Variants in CTH observed in about 807,000 individuals in gnomAD.
CTH encodes cystathionase (cystathionine gamma-lyase).
CTH carries 41 observed loss-of-function variants against 50.6 expected under a neutral mutation model. The ratio of observed to expected loss-of-function variants is 0.81; its 90% CI spans 0.63 to 1.05. The LOEUF is 1.05. Ranked by LOEUF, CTH falls within the 50% of genes least tolerant of loss-of-function variation. The probability of loss-of-function intolerance (pLI) is 0.00; values close to 1 mark genes in which losing one functional copy is unlikely to be tolerated. For synonymous variants in CTH, 156 were observed against 168.9 expected (o/e 0.92, Z 0.59); for missense variants, 470 against 492.6 (o/e 0.95, Z 0.43).
chr1:70,436,738 T>C (rs1684607255), intron 10 of CTH, among the ~76,000 whole-genome samples: 1 of 152,146 alleles, frequency 6.6e-6, no homozygotes. Flanking sequence ...TGTTAGTCTT[T>C]CCGGAAGATG....
intron 3 of CTH, 87 bp downstream of exon 3, chr1:70,418,119 A>G: frequency 6.8e-7 from 1 of 1,464,322 alleles, no homozygotes; most frequent in Non-Finnish European, 9.5e-7. Context: ...CAATGTTGCC[A>G]GTATTTTTGA....
chr1:70,429,794 C>T lies in CTH; in HGVS notation c.589C>T (p.Arg197Cys), dbSNP rs551720451. 3.2e-5 allele frequency: 51 copies of T among 1,610,390 alleles called. No individual in the cohort carries two copies. The highest frequency in any genetic ancestry group is 9.9e-5 in the South Asian group (9 of 90,874). The change falls in exon 6 of 12, where the codon CGC becomes TGC. Residue 197 changes from arginine to cysteine, a missense_variant and splice_region_variant. Arg to Cys is a radical substitution (Grantham distance 180, BLOSUM62 -3). Coordinates refer to ENST00000370938, the MANE Select transcript of CTH (RefSeq NM_001902.6). Reference protein sequence around the residue: ...DNTFMSPYFQRPLALGADISM... With the variant: ...DNTFMSPYFQCPLALGADISM... ...TAAAGTAAAAAACTTGTTCTTTCAG[C>T]GCCCTTTGGCTCTGGGAGCTGATAT...
intron 4 of CTH, 67 bp from the exon 5 acceptor site, chr1:70,424,217 CA>C: frequency 6.2e-7 from 1 of 1,610,546 alleles, no homozygotes; most frequent in East Asian, 2.2e-5. Context: ...CAGATTGTTA[CA>C]ATATATGAGA....
chr1:70,437,503 G>A (rs1279751375), intron 10 of CTH, among the ~76,000 whole-genome samples: 2 of 152,078 alleles, frequency 1.3e-5, no homozygotes, highest in African/African-American at 4.8e-5. Context: ...TTTCAGATAA[G>A]GAAATAGGCA....
intron 8 of CTH, among the ~76,000 whole-genome samples, chr1:70,432,826 G>A (rs2101754782): frequency 6.6e-6 from 1 of 152,052 alleles, no homozygotes; most frequent in South Asian, 2.1e-4. Context: ...TGGGATTACA[G>A]GTGCCCGCCA....
intron 10 of CTH, among the ~76,000 whole-genome samples, chr1:70,437,642 C>A (rs372930869): frequency 6.6e-6 from 1 of 152,138 alleles, no homozygotes; most frequent in Non-Finnish European, 1.5e-5. Flanking sequence ...TAAGGAATTA[C>A]GAGTCTCCCA....
intron 3 of CTH, among the ~76,000 whole-genome samples, chr1:70,418,798 G>C (rs2101733220): frequency 6.6e-6 from 1 of 152,204 alleles, no homozygotes; most frequent in African/African-American, 2.4e-5. Context: ...TTTGTTGAGA[G>C]ATATGGGCCT....
At position 70,426,959 on chromosome 1, in the gene CTH, G is replaced by A. The variant is rs529999351; in HGVS notation, c.588+2543G>A. On this transcript the variant is annotated intron_variant, in intron 5 of 11. Transcript: ENST00000370938. ...TTCTCCTATTACTGTCACTAACATA[G>A]GTCTAGTTTTTCTACCTTTTTGAAG... 2.0e-4 allele frequency among the ~76,000 whole-genome samples: 31 copies of A among 152,194 alleles called. 1 individual carries two copies. In the East Asian group the frequency reaches 5.8e-3, roughly 28 times the overall value.
chr1:70,425,579 G>A (rs1035568979), intron 5 of CTH, among the ~76,000 whole-genome samples: 1 of 152,128 alleles, frequency 6.6e-6, no homozygotes, highest in Non-Finnish European at 1.5e-5. Context: ...GGTTTAATTG[G>A]CTCACAGTTC....
intron 1 of CTH, among the ~76,000 whole-genome samples, chr1:70,413,317 G>A (rs1400070133): frequency 3.3e-5 from 5 of 150,304 alleles, no homozygotes. Context: ...AGGCTGGAGT[G>A]CAGTGGTGCG....
chr1:70,417,457 G>A lies in CTH; in HGVS notation c.251-480G>A, dbSNP rs529928833. 2.5e-4 allele frequency among the ~76,000 whole-genome samples: 38 copies of A among 151,830 alleles called. No homozygotes were observed. The South Asian group carries it at 7.9e-3, about 32-fold the overall frequency. On this transcript the variant is annotated intron_variant, in intron 2 of 11. Coordinates refer to ENST00000370938, the MANE Select transcript of CTH (RefSeq NM_001902.6). ...GTGCCACCATGCCTGGCTAATTTTTGTATTTTTAGTAAACACAGAGTTTCA... is the reference window on the plus strand; with the variant it reads ...GTGCCACCATGCCTGGCTAATTTTTATATTTTTAGTAAACACAGAGTTTCA...
chr1:70,429,942 A>T, intron 6 of CTH, 91 bp downstream of exon 6: 1 of 949,936 alleles, frequency 1.1e-6, no homozygotes, highest in Non-Finnish European at 1.7e-6. Flanking sequence ...ATTATTTTGT[A>T]GATTATTTCC....
intron 7 of CTH, among the ~76,000 whole-genome samples, chr1:70,431,359 G>A (rs1684470853): frequency 6.6e-6 from 1 of 151,624 alleles, no homozygotes; most frequent in African/African-American, 2.4e-5. Context: ...TTGAAATGAG[G>A]GCTTTCATAT....
chr1:70,418,087 G>T, intron 3 of CTH, 55 bp downstream of exon 3: 1 of 1,581,260 alleles, frequency 6.3e-7, no homozygotes, highest in Non-Finnish European at 8.7e-7. Context: ...AGATAATAAA[G>T]TGAGCCCTGA....
rs1409708706 is a variant in CTH, at chr1:70,423,878, T to A, written c.457-407T>A. Among the ~76,000 whole-genome samples the A allele has an allele frequency of 2.0e-5, 3 of 152,350 alleles. No homozygotes were observed. In the East Asian group the frequency reaches 5.8e-4, roughly 29 times the overall value. On this transcript the variant is annotated intron_variant, in intron 4 of 11. Transcript: ENST00000370938. ...TTTTGGCATCATAGGGATAATTCTC[T>A]TTCATTAAAATTCTAGGATGTATTC...
rs746818113 is a variant in CTH at position 70,438,698 on chromosome 1, AC to A, written c.1064del (p.Thr355IlefsTer19). 122 of 1,613,886 alleles carry A rather than the reference AC, an allele frequency of 7.6e-5. No individual in the cohort carries two copies. The highest frequency in any genetic ancestry group is 1.0e-4 in the Admixed American group (6 of 59,988). On this transcript the variant is annotated frameshift_variant, in exon 11 of 12. Transcript: ENST00000370938. LOFTEE classifies it high-confidence loss of function. ...ESLAELPAIM[T>X]HASVLKNDRD... is the part of the protein sequence containing the mutation. The stretch of plus-strand genomic sequence containing the variant: ...CATGTCTTCTTTCAGGGCAATCATG[AC>A]TCATGCATCAGTTCTTAAGAATGAC...
intron 5 of CTH, among the ~76,000 whole-genome samples, chr1:70,424,645 G>A (rs1339226353): frequency 6.6e-6 from 1 of 152,082 alleles, no homozygotes; most frequent in Admixed American, 6.6e-5. Flanking sequence ...ATTTATTAAA[G>A]CTTACCAGTT....
chr1:70,430,548 A>ATT (rs139786655), intron 7 of CTH, among the ~76,000 whole-genome samples, 154 bp downstream of exon 7: 13 of 148,562 alleles, frequency 8.8e-5, no homozygotes, highest in East Asian at 4.0e-4. Context: ...TTATTTATTA[A>ATT]TTTTTTTTTT....
chr1:70,434,698 A>AT (rs1181323008), intron 9 of CTH, among the ~76,000 whole-genome samples: 1 of 149,256 alleles, frequency 6.7e-6, no homozygotes, highest in African/African-American at 2.5e-5. Context: ...GCATTTAGAG[A>AT]TTTTTTTATT....
Sources: allele counts gnomAD v4.1 joint callset (sites outside exome capture counted in the v4.1 genomes callset), GRCh38; gene constraint gnomAD v4.1.1; transcripts MANE v1.5; gene names NCBI Gene and HGNC (gene_info 2026-07-23, HGNC 2026-07-21).